TCF4: variants seen among roughly 807,000 people sequenced by gnomAD.
TCF4 encodes transcription factor 4, also known as SL3-3 enhancer factor 2.
Under a neutral mutation model 82.1 loss-of-function variants are expected in TCF4, and 3 were observed. The observed-to-expected ratio is 0.04, with a 90% CI of 0.02 to 0.09. The LOEUF (loss-of-function observed/expected upper bound fraction) is 0.09. TCF4 is among the 10% of genes least tolerant of loss of function. TCF4 has a pLI of 1.00. For synonymous variants in TCF4, 276 were observed against 309.6 expected, an observed-to-expected ratio of 0.89 and a Z score of 1.14; for missense variants, 518 against 852.7, an observed-to-expected ratio of 0.61 and a Z score of 4.89.
intron 5 of TCF4, among the ~76,000 whole-genome samples, chr18:55,441,595 T>C (rs939665956): frequency 6.6e-6 from 1 of 152,170 alleles, no homozygotes; most frequent in African/African-American, 2.4e-5. Context: ...CAATACAAAA[T>C]AGAACAGCTT....
chr18:55,245,290 C>T (rs534084932), intron 15 of TCF4, among the ~76,000 whole-genome samples: 2 of 152,130 alleles, frequency 1.3e-5, no homozygotes, highest in East Asian at 1.9e-4. Context: ...AACACAACGG[C>T]CATGGAATGT....
Position 55,229,066 on chromosome 18 carries a change from C to T in TCF4, c.1660G>A (p.Asp554Asn), listed in dbSNP as rs1283841605. The change falls in exon 18 of 20, where the codon GAT becomes AAT. Residue 554 changes from aspartate (D) to asparagine (N), a missense_variant. Physicochemically the swap from Asp to Asn is conservative, Grantham distance 23 (BLOSUM62 1). Around this residue, in one of 7 missense-constraint regions of TCF4, gnomAD observed 144 missense variants for 190.2 expected, o/e 0.76. Coordinates refer to ENST00000354452, the MANE Select transcript of TCF4 (RefSeq NM_001083962.2). ...TTCTGCTCTGGTGTCAGGTCCTCATCGTCATTATTGCTGTGGGACAAAAGG... is the reference window on the plus strand; with the variant it reads ...TTCTGCTCTGGTGTCAGGTCCTCATTGTCATTATTGCTGTGGGACAAAAGG... ...ITRSRSSNND[D>N]EDLTPEQKAE... 3 of 1,613,948 alleles carry T rather than the reference C, an allele frequency of 1.9e-6. No homozygotes were observed. Among genetic ancestry groups the T allele is most frequent in the Admixed American group, 1.7e-5 (1 of 59,998 alleles).
At chr18:55,445,627 A>G (rs2095512295) in intron 5 of TCF4, among the ~76,000 whole-genome samples, 1 of 152,198 alleles carries the variant, frequency 6.6e-6, no homozygotes, top group Admixed American at 6.5e-5. Context: ...TGAGAGCTAC[A>G]ATTCAAGATG....
chr18:55,510,511 A>G lies in TCF4; in HGVS notation c.146-46374T>C, dbSNP rs192075715. The G allele has an allele frequency of 5.3e-3, 6,463 of 1,218,278 alleles. 28 individuals are homozygous for G. The highest frequency in any genetic ancestry group is 6.3e-3 in the South Asian group (387 of 60,946). 75.5% of individuals were successfully genotyped at this position (1,218,278 alleles called of 1,614,324 possible). A position where few individuals can be genotyped will look rare whatever the true frequency, so the allele number is the denominator to read the frequency against. On this transcript the variant is annotated intron_variant, in intron 3 of 19. Coordinates refer to ENST00000354452, the MANE Select transcript of TCF4 (RefSeq NM_001083962.2). ...CAGCAATTCAAACTTCTAAGGATAC[A>G]GAAGTCGATAGATCAAACATTTTAA...
At chr18:55,409,084 C>G (rs530869629) in intron 5 of TCF4, among the ~76,000 whole-genome samples, 4 of 152,238 alleles carry the variant, frequency 2.6e-5, no homozygotes, top group African/African-American at 9.6e-5. Flanking sequence ...TTAACAAAAA[C>G]ATGGCAGAAA....
intron 3 of TCF4, among the ~76,000 whole-genome samples, chr18:55,465,887 A>C (rs998154563): frequency 8.5e-5 from 13 of 152,200 alleles, no homozygotes; most frequent in Admixed American, 8.5e-4. Flanking sequence ...TCTCCTCTTG[A>C]ATTTGGCCAA....
intron 3 of TCF4, among the ~76,000 whole-genome samples, chr18:55,576,230 C>T (rs1374011599): frequency 6.6e-6 from 1 of 152,160 alleles, no homozygotes; most frequent in Non-Finnish European, 1.5e-5. Flanking sequence ...AATTTGGCTA[C>T]ATGAACAATT....
At chr18:55,535,592 TTG>T (rs1475454245) in intron 3 of TCF4, among the ~76,000 whole-genome samples, 4 of 152,346 alleles carry the variant, frequency 2.6e-5, no homozygotes, top group Non-Finnish European at 5.9e-5. Context: ...ACTGGATCAA[TTG>T]AGAAAATGTG....
chr18:55,333,714 A>C (rs1032385266), intron 8 of TCF4, among the ~76,000 whole-genome samples: 1 of 152,178 alleles, frequency 6.6e-6, no homozygotes, highest in Non-Finnish European at 1.5e-5. Flanking sequence ...GGATTCTGTA[A>C]TCTCAATTGC....
chr18:55,593,471 T>C (rs2097687784), upstream of TCF4, among the ~76,000 whole-genome samples: 1 of 152,232 alleles, frequency 6.6e-6, no homozygotes, highest in Admixed American at 6.5e-5. Flanking sequence ...TATTTGCCAC[T>C]GGATTCATAG....
At chr18:55,414,112 G>A (rs2094447366) in intron 5 of TCF4, among the ~76,000 whole-genome samples, 1 of 152,172 alleles carries the variant, frequency 6.6e-6, no homozygotes, top group Non-Finnish European at 1.5e-5. Flanking sequence ...GGTGGTAACA[G>A]GAGAGACATG....
At chr18:55,493,823 A>C (rs1219839818) in intron 3 of TCF4, among the ~76,000 whole-genome samples, 1 of 152,094 alleles carries the variant, frequency 6.6e-6, no homozygotes, top group Non-Finnish European at 1.5e-5. Flanking sequence ...TGTAGTCTAC[A>C]GTTTCTGTAG....
chr18:55,291,963 TC>T (rs2065198883), intron 8 of TCF4, among the ~76,000 whole-genome samples: 1 of 152,166 alleles, frequency 6.6e-6, no homozygotes, highest in South Asian at 2.1e-4. Flanking sequence ...AAGGAAGTTA[TC>T]CTATAGGGTT....
intron 15 of TCF4, among the ~76,000 whole-genome samples, chr18:55,241,627 G>A (rs1050696961): frequency 2.6e-5 from 4 of 152,144 alleles, no homozygotes; most frequent in African/African-American, 9.7e-5. Context: ...GCCAGTCCAG[G>A]TGGCCCATCC....
At position 55,457,344 on chromosome 18, in the gene TCF4, T is replaced by C. The variant is rs1172908701; in HGVS notation, c.304+3675A>G. Among the ~76,000 whole-genome samples, 3 of 152,206 alleles carry C rather than the reference T, an allele frequency of 2.0e-5. No individual in the cohort carries two copies. In the East Asian group the frequency reaches 5.8e-4, roughly 29 times the overall value. On this transcript the variant is annotated intron_variant, in intron 5 of 19. Coordinates refer to ENST00000354452, the MANE Select transcript of TCF4 (RefSeq NM_001083962.2). ...TAAGTCTTCTAGCATGATACATACA[T>C]TGTGTGTATGGGTGTACATGTGTGT...
chr18:55,511,330 T>TA (rs751932079), intron 3 of TCF4, among the ~76,000 whole-genome samples: 1,903 of 73,058 alleles, frequency 0.026, 82 homozygotes, highest in South Asian at 0.053. Flanking sequence ...TTCCAAAAGT[T>TA]TAAAAAAAAA....
intron 5 of TCF4, among the ~76,000 whole-genome samples, chr18:55,421,007 C>T (rs1379526595): frequency 6.6e-6 from 1 of 151,868 alleles, no homozygotes; most frequent in Non-Finnish European, 1.5e-5. Flanking sequence ...ATTAACCTAT[C>T]GTTTCAGATT....
chr18:55,589,731 G>T, upstream of TCF4: 1 of 1,023,496 alleles, frequency 9.8e-7, no homozygotes, highest in Non-Finnish European at 1.2e-6. Flanking sequence ...CTCCCCCGTG[G>T]AGTCACATTG....
At chr18:55,478,723 C>T (rs1603528114) in intron 3 of TCF4, among the ~76,000 whole-genome samples, 1 of 151,750 alleles carries the variant, frequency 6.6e-6, no homozygotes, top group Admixed American at 6.6e-5. Context: ...AAAAGGCCCC[C>T]ACTTCCCCCA....
Sources: allele counts gnomAD v4.1 joint callset (sites outside exome capture counted in the v4.1 genomes callset), GRCh38; gene constraint gnomAD v4.1.1; regional missense constraint gnomAD v4.1.1; transcripts MANE v1.5; gene names NCBI Gene and HGNC (gene_info 2026-07-23, HGNC 2026-07-21).